The following IFT140 variants were observed in gnomAD, a reference collection of about 807,000 sequenced individuals.
IFT140 encodes intraflagellar transport 140.
In IFT140, 133 loss-of-function variants were observed where a neutral mutation model predicts 164.6. The ratio of observed to expected loss-of-function variants is 0.81; its 90% CI spans 0.70 to 0.93. The LOEUF is 0.93. IFT140 is among the 40% of genes least tolerant of loss of function. IFT140 has a pLI of 0.00. For synonymous variants in IFT140, 860 were observed against 817.3 expected (o/e 1.05, Z -0.89); for missense variants, 2,045 against 1,972.3 (o/e 1.04, Z -0.70).
At chr16:1,568,929 T>C (rs1372927774) in intron 14 of IFT140, among the ~76,000 whole-genome samples, 3 of 151,688 alleles carry the variant, frequency 2.0e-5, no homozygotes, top group Admixed American at 6.6e-5. Context: ...ATTTAACTCG[T>C]CCCCTGCCAG....
chr16:1,530,063 C>A (rs1024029156), intron 19 of IFT140, among the ~76,000 whole-genome samples: 1 of 151,064 alleles, frequency 6.6e-6, no homozygotes, highest in African/African-American at 2.4e-5. Flanking sequence ...ATGGCCGCTT[C>A]GTAAACACCA....
chr16:1,591,954 T>A (rs1311416187), intron 6 of IFT140, among the ~76,000 whole-genome samples: 3 of 152,122 alleles, frequency 2.0e-5, no homozygotes, highest in Non-Finnish European at 4.4e-5. Flanking sequence ...CAAGCAAAAC[T>A]CAACTTGTCT....
At chr16:1,569,841 G>A (rs1205481852) in intron 14 of IFT140, among the ~76,000 whole-genome samples, 1 of 150,644 alleles carries the variant, frequency 6.6e-6, no homozygotes, top group Non-Finnish European at 1.5e-5. Flanking sequence ...ACCTCTCTTG[G>A]CCTCCCAATG....
Position 1,525,324 on chromosome 16 carries a change from T to C in IFT140, c.2771A>G (p.Tyr924Cys). Residue 924 changes from tyrosine (Y) to cysteine (C), a missense_variant and splice_region_variant, in exon 22 of 31, where the codon TAC (tyrosine) becomes TGC (cysteine). By Grantham distance (194) the Tyr-to-Cys change is radical. Coordinates refer to ENST00000426508, the MANE Select transcript of IFT140 (RefSeq NM_014714.4). ...SADCSRALSY[Y>C]EKSDTHRFEV... is the part of the protein sequence containing the mutation. ...GAAGCGGTGCGTGTCCGACTTCTCGTAGCTGTGAGAGAAGGAGACAGAGGT... is the reference window on the plus strand; with the variant it reads ...GAAGCGGTGCGTGTCCGACTTCTCGCAGCTGTGAGAGAAGGAGACAGAGGT... 1 of 1,610,184 alleles carries C rather than the reference T, an allele frequency of 6.2e-7. No homozygotes were observed. Among genetic ancestry groups the C allele is most frequent in the Non-Finnish European group, 8.5e-7 (1 of 1,178,650 alleles).
In IFT140 at chr16:1,592,256, T is replaced by C. The variant is rs975918006; in HGVS notation, c.554A>G (p.Asn185Ser). The C allele has an allele frequency of 1.2e-6, 2 of 1,614,194 alleles. No individual in the cohort carries two copies. The highest frequency in any genetic ancestry group is 1.7e-6 in the Non-Finnish European group (2 of 1,180,034). ...ACTTCCAGAACTGCTCTTCTTCCAG[T>C]TAAACATGTCCAGGGCTTTCTCATC... ...SGDEKALDMF[N>S]WKKSSSGSLL... Residue 185 changes from asparagine to serine, a missense_variant, in exon 6 of 31, where the codon AAC becomes AGC. Coordinates refer to ENST00000426508, the MANE Select transcript of IFT140 (RefSeq NM_014714.4).
In IFT140 at chr16:1,553,605, G is replaced by A. The variant is rs2032856362; in HGVS notation, c.2399+4330C>T. The A allele has an allele frequency of 9.7e-7, 1 of 1,027,920 alleles. No individual in the cohort carries two copies. The highest frequency in any genetic ancestry group is 1.2e-6 in the Non-Finnish European group (1 of 853,922). The allele number at this position is 1,027,920 out of a possible 1,614,324, so 63.7% of individuals were successfully genotyped here. On this transcript the variant is annotated intron_variant, in intron 19 of 30. Transcript: ENST00000426508. The surrounding 1 kb of genome is among the most constrained non-coding windows in gnomAD (Gnocchi z 4.4). The stretch of plus-strand genomic sequence containing the variant: ...TTACAGAGAGTCTCTGGCACTTTGG[G>A]TACAAGAAACAGACTCACTCAGGTT...
chr16:1,530,391 A>G (rs997396496), intron 19 of IFT140, among the ~76,000 whole-genome samples: 1 of 151,986 alleles, frequency 6.6e-6, no homozygotes, highest in Non-Finnish European at 1.5e-5. Flanking sequence ...TCGGTCTCCC[A>G]AAGTGCTTGG....
intron 19 of IFT140, among the ~76,000 whole-genome samples, chr16:1,552,323 C>A (rs1173944381): frequency 6.6e-6 from 1 of 152,052 alleles, no homozygotes; most frequent in Non-Finnish European, 1.5e-5. Context: ...CTCCCACTGT[C>A]CCTGCCAAGA....
intron 13 of IFT140, among the ~76,000 whole-genome samples, chr16:1,579,821 G>C (rs2034461026): frequency 6.6e-6 from 1 of 152,076 alleles, no homozygotes; most frequent in African/African-American, 2.4e-5. Flanking sequence ...AAAATTAGTT[G>C]GGTGTGGTGG....
intron 2 of IFT140, 22 bp from the exon 3 acceptor site, chr16:1,607,319 C>T: frequency 6.4e-7 from 1 of 1,552,772 alleles, no homozygotes; most frequent in Non-Finnish European, 8.7e-7. Flanking sequence ...AAAAAATGAC[C>T]AAGTCCAATC....
rs144538689 is a variant in IFT140 at position 1,564,710 on chromosome 16, G to C, written c.1902-548C>G. On this transcript the variant is annotated intron_variant, in intron 16 of 30. Coordinates refer to ENST00000426508, the MANE Select transcript of IFT140 (RefSeq NM_014714.4). This position sits in a 1 kb window ranked among gnomAD's most constrained non-coding sequence, Gnocchi z 5.5. ...AGACGACACACAAGGTTTCAAGAGA[G>C]AGCAGGTGCCCAAGGTGAGGAGGCC... 6.6e-6 allele frequency among the ~76,000 whole-genome samples: 1 copy of C among 152,002 alleles called. No individual in the cohort carries two copies. Among genetic ancestry groups the C allele is most frequent in the Non-Finnish European group, 1.5e-5 (1 of 68,036 alleles).
At chr16:1,611,549 T>C (rs1353480407) in intron 1 of IFT140, among the ~76,000 whole-genome samples, 1 of 150,056 alleles carries the variant, frequency 6.7e-6, no homozygotes, top group African/African-American at 2.5e-5. Context: ...GCGCGGTGGC[T>C]CACGCCTGCA....
chr16:1,539,498 C>T (rs2031414960), intron 19 of IFT140, among the ~76,000 whole-genome samples: 1 of 152,280 alleles, frequency 6.6e-6, no homozygotes, highest in East Asian at 1.9e-4. Flanking sequence ...TGAGCCAGGT[C>T]CTCACCTGCT....
At chr16:1,587,411 T>C (rs764175396) in intron 8 of IFT140, 107 bp from the exon 9 acceptor site, 4 of 711,332 alleles carry the variant, frequency 5.6e-6, no homozygotes, top group Middle Eastern at 2.4e-4. Context: ...GAAAAAGACA[T>C]AGTTCATCAG....
At position 1,516,139 on chromosome 16, in the gene IFT140, C is replaced by CAAAAAAAAAAAAAAAAAAAAAAAAAA. The variant is rs869165237; in HGVS notation, c.4182+2051_4182+2076dup. Among the ~76,000 whole-genome samples the CAAAAAAAAAAAAAAAAAAAAAAAAAA allele has an allele frequency of 8.7e-5, 4 of 46,024 alleles. 1 individual carries two copies. The highest frequency in any genetic ancestry group is 1.8e-4 in the Non-Finnish European group (4 of 22,028). 30.2% of individuals were successfully genotyped at this position (46,024 alleles called of 152,430 possible). A position where few individuals can be genotyped will look rare whatever the true frequency, so the allele number is the denominator to read the frequency against. ...GGCTACAAAGAGCAAAACTCTGTCT[C>CAAAAAAAAAAAAAAAAAAAAAAAAAA]AAAAAAAAAAAAAAAAAAAAAAAAA... is the stretch of plus-strand genomic sequence containing the variant. On this transcript the variant is annotated intron_variant, in intron 30 of 30. Transcript: ENST00000426508.
At chr16:1,586,109 G>C in intron 10 of IFT140, 21 bp downstream of exon 10, 1 of 1,609,044 alleles carries the variant, frequency 6.2e-7, no homozygotes, top group Non-Finnish European at 8.5e-7. Flanking sequence ...TGAGTGCACC[G>C]AACACCCTTG....
At chr16:1,558,920 T>G (rs1412520752) in intron 18 of IFT140, among the ~76,000 whole-genome samples, 1 of 152,222 alleles carries the variant, frequency 6.6e-6, no homozygotes, top group Non-Finnish European at 1.5e-5. Context: ...ATCAGCTCAC[T>G]GCTCCTGCAG....
intron 19 of IFT140, among the ~76,000 whole-genome samples, chr16:1,536,723 G>A (rs1399028334): frequency 6.6e-6 from 1 of 152,094 alleles, no homozygotes; most frequent in Non-Finnish European, 1.5e-5. Context: ...TCCCTTGGCC[G>A]TGCTGGTGTC....
intron 4 of IFT140, among the ~76,000 whole-genome samples, chr16:1,598,031 A>T (rs999697326): frequency 6.6e-6 from 1 of 152,238 alleles, no homozygotes; most frequent in Non-Finnish European, 1.5e-5. Flanking sequence ...AGTAGGAAAG[A>T]TCACCAAAGA....
Sources: gnomAD v4.1 joint callset for allele counts (sites outside exome capture counted in the v4.1 genomes callset) on GRCh38, gnomAD v4.1.1 for gene constraint, Gnocchi (gnomAD v3.1) non-coding constraint, MANE v1.5 for transcripts, NCBI Gene and HGNC (gene_info 2026-07-23, HGNC 2026-07-21) for gene names.